NRG3: variants seen among roughly 807,000 people sequenced by gnomAD.
NRG3 encodes neuregulin 3.
A neutral mutation model predicts 66.9 loss-of-function variants in NRG3; 31 were observed. The observed-to-expected ratio is 0.46, with a 90% CI of 0.35 to 0.63. NRG3 has a LOEUF of 0.63. NRG3 is among the 20% of genes least tolerant of loss of function. NRG3 has a pLI of 0.00. For missense variants in NRG3, 910 were observed against 878.9 expected (o/e 1.04, Z -0.45); for synonymous variants, 393 against 359.4 (o/e 1.09, Z -1.06).
At chr10:81,904,182 G>T (rs941834250) in intron 1 of NRG3, among the ~76,000 whole-genome samples, 32 of 151,480 alleles carry the variant, frequency 2.1e-4, no homozygotes, top group Non-Finnish European at 8.8e-5. Flanking sequence ...GCTAATTTTT[G>T]TATTTTTAGT....
intron 2 of NRG3, among the ~76,000 whole-genome samples, chr10:82,374,049 C>T (rs149800874): frequency 2.6e-5 from 4 of 152,308 alleles, no homozygotes; most frequent in Admixed American, 2.0e-4. Context: ...CTACCACCTA[C>T]TCAGGAAAGA....
At chr10:82,040,068 T>A (rs1304500706) in intron 1 of NRG3, among the ~76,000 whole-genome samples, 2 of 152,138 alleles carry the variant, frequency 1.3e-5, no homozygotes, top group African/African-American at 2.4e-5. Flanking sequence ...CTCAGAACAC[T>A]TGTTCTTTAC....
At chr10:82,256,288 C>T (rs2077721831) in intron 1 of NRG3, among the ~76,000 whole-genome samples, 1 of 152,196 alleles carries the variant, frequency 6.6e-6, no homozygotes, top group African/African-American at 2.4e-5. Context: ...TCATCATCCA[C>T]TTGCTGTGGT....
chr10:82,286,091 G>GT (rs1188678313), intron 1 of NRG3, among the ~76,000 whole-genome samples: 1 of 152,144 alleles, frequency 6.6e-6, no homozygotes, highest in Non-Finnish European at 1.5e-5. Context: ...TGTGTGTTCA[G>GT]TTTTTTATAC....
chr10:82,116,110 A>G (rs760678550), intron 1 of NRG3, among the ~76,000 whole-genome samples: 17 of 152,264 alleles, frequency 1.1e-4, no homozygotes, highest in Non-Finnish European at 1.3e-4. Flanking sequence ...TTTAACCTCA[A>G]CAAAGTGGAT....
intron 1 of NRG3, among the ~76,000 whole-genome samples, chr10:82,021,667 T>C (rs1284261658): frequency 6.6e-6 from 1 of 152,064 alleles, no homozygotes; most frequent in Non-Finnish European, 1.5e-5. Context: ...GCTTCTCTGA[T>C]TGCCAAGCAT....
At chr10:82,462,218 TGAA>T (rs1439868476) in intron 2 of NRG3, among the ~76,000 whole-genome samples, 1 of 152,044 alleles carries the variant, frequency 6.6e-6, no homozygotes, top group Non-Finnish European at 1.5e-5. Flanking sequence ...GATTTGGAAA[TGAA>T]GAAAAGAAAA....
chr10:82,282,721 A>C (rs2079191598), intron 1 of NRG3, among the ~76,000 whole-genome samples: 1 of 152,170 alleles, frequency 6.6e-6, no homozygotes, highest in Non-Finnish European at 1.5e-5. Flanking sequence ...GTTAGGAACG[A>C]GGGAGCAAGA....
intron 3 of NRG3, among the ~76,000 whole-genome samples, chr10:82,760,138 A>T (rs1244215579): frequency 6.6e-6 from 1 of 152,130 alleles, no homozygotes; most frequent in Non-Finnish European, 1.5e-5. Context: ...TACTCTCAGC[A>T]TGTAGCATGG....
At chr10:82,610,374 C>G (rs907299111) in intron 2 of NRG3, among the ~76,000 whole-genome samples, 14 of 152,092 alleles carry the variant, frequency 9.2e-5, no homozygotes, top group African/African-American at 3.4e-4. Flanking sequence ...GGGAACCATT[C>G]TGCCTGTTAT....
intron 3 of NRG3, among the ~76,000 whole-genome samples, chr10:82,787,349 G>A (rs1565315777): frequency 6.6e-6 from 1 of 152,058 alleles, no homozygotes; most frequent in Non-Finnish European, 1.5e-5. Flanking sequence ...ACCTAACAAA[G>A]AGCCTCTTGA....
chr10:82,718,115 A>C (rs2057086507), intron 2 of NRG3, among the ~76,000 whole-genome samples: 1 of 152,196 alleles, frequency 6.6e-6, no homozygotes, highest in Non-Finnish European at 1.5e-5. Context: ...CGAGATCCAC[A>C]TATACTAGTC....
rs189168116 is a variant in NRG3, at chr10:81,973,470, C to G, written c.823+97307C>G. 4.3e-4 allele frequency among the ~76,000 whole-genome samples: 65 copies of G among 152,168 alleles called. 1 individual carries two copies. The highest frequency in any genetic ancestry group is 7.2e-4 in the Non-Finnish European group (49 of 67,972). On this transcript the variant is annotated intron_variant, in intron 1 of 8. Transcript: ENST00000372141. ...AATAATATTTCTGGTTCTAAATCTT[C>G]GAGGAGTCGCCACAGTGTCTTCCAC...
intron 1 of NRG3, among the ~76,000 whole-genome samples, chr10:81,949,049 G>A (rs1460582767): frequency 6.6e-6 from 1 of 152,034 alleles, no homozygotes; most frequent in African/African-American, 2.4e-5. Flanking sequence ...ATACACATAG[G>A]GTATTGTCAA....
At chr10:82,254,885 A>G (rs562698626) in intron 1 of NRG3, among the ~76,000 whole-genome samples, 1 of 151,792 alleles carries the variant, frequency 6.6e-6, no homozygotes, top group Non-Finnish European at 1.5e-5. Flanking sequence ...AGAAAAAGAG[A>G]CCAATATGCC....
At chr10:82,310,124 A>G (rs922541688) in intron 1 of NRG3, among the ~76,000 whole-genome samples, 3 of 151,998 alleles carry the variant, frequency 2.0e-5, no homozygotes, top group Non-Finnish European at 2.9e-5. Context: ...ATCCTTCTCA[A>G]TGCTGTCAGA....
Position 82,090,137 on chromosome 10 carries a change from C to T in NRG3, c.823+213974C>T, listed in dbSNP as rs562183825. 1.5e-3 allele frequency among the ~76,000 whole-genome samples: 232 copies of T among 152,328 alleles called. 2 individuals are homozygous for T. The highest frequency in any genetic ancestry group is 5.2e-3 in the African/African-American group (217 of 41,582). ...CAGGCATCTGCAGACTACAGACGCA[C>T]GTTACCATGCAGATTGCTATTAATG... is the stretch of plus-strand genomic sequence containing the variant. On this transcript the variant is annotated intron_variant, in intron 1 of 8. Transcript: ENST00000372141.
intron 1 of NRG3, among the ~76,000 whole-genome samples, chr10:82,120,054 C>A (rs546095151): frequency 6.6e-6 from 1 of 151,896 alleles, no homozygotes; most frequent in East Asian, 1.9e-4. Flanking sequence ...TGTAAATGAA[C>A]GTATTATTTT....
intron 2 of NRG3, among the ~76,000 whole-genome samples, chr10:82,471,990 T>C (rs1233715761): frequency 6.6e-6 from 1 of 152,068 alleles, no homozygotes; most frequent in African/African-American, 2.4e-5. Context: ...TGAGGGACTG[T>C]GTATGAGCCA....
Sources: allele counts gnomAD v4.1 joint callset (sites outside exome capture counted in the v4.1 genomes callset), GRCh38; gene constraint gnomAD v4.1.1; transcripts MANE v1.5; gene names NCBI Gene and HGNC (gene_info 2026-07-23, HGNC 2026-07-21).